PTCHD4: variants seen among roughly 807,000 people sequenced by gnomAD.
PTCHD4 encodes patched domain-containing protein 4.
PTCHD4 carries 33 observed loss-of-function variants against 58.1 expected under a neutral mutation model. The observed-to-expected ratio is 0.57, with a 90% confidence interval of 0.43 to 0.76. PTCHD4 has a LOEUF of 0.76. Among genes scored for constraint, PTCHD4 ranks in the 30% least tolerant of loss-of-function variants. The pLI, the probability that PTCHD4 is intolerant of heterozygous loss-of-function variation, is 0.00. For missense variants in PTCHD4, 1,058 were observed against 1,027.1 expected, an observed-to-expected ratio of 1.03 and a Z score of -0.41; for synonymous variants, 478 against 409.6, an observed-to-expected ratio of 1.17 and a Z score of -2.02.
intron 1 of PTCHD4, among the ~76,000 whole-genome samples, chr6:48,073,539 G>A (rs544170433): frequency 6.6e-6 from 1 of 152,274 alleles, no homozygotes; most frequent in East Asian, 1.9e-4. Context: ...AACATGCTAA[G>A]CCTCCAAAGC....
In PTCHD4 at chr6:47,882,440, C is replaced by A. The variant is rs573346251; in HGVS notation, c.899-2504G>T. 6.4e-4 allele frequency among the ~76,000 whole-genome samples: 97 copies of A among 151,792 alleles called. 2 individuals are homozygous for A. In the East Asian group the frequency reaches 0.015, roughly 23 times the overall value. ...TTGTTTGGAGATGGCGTGTTTTATC[C>A]CACTCATATGTTTAGATATTTTATA... is the stretch of plus-strand genomic sequence containing the variant. On this transcript the variant is annotated intron_variant, in intron 4 of 4. Coordinates refer to ENST00000339488, the MANE Select transcript of PTCHD4 (RefSeq NM_001384253.1).
At chr6:48,093,988 C>T (rs951148562) in intron 1 of PTCHD4, among the ~76,000 whole-genome samples, 6 of 152,054 alleles carry the variant, frequency 3.9e-5, no homozygotes, top group Admixed American at 6.5e-5. Context: ...CATCCTACCA[C>T]GAAATTAATG....
At chr6:48,018,437 C>T (rs1762941957) in intron 3 of PTCHD4, among the ~76,000 whole-genome samples, 1 of 152,182 alleles carries the variant, frequency 6.6e-6, no homozygotes, top group African/African-American at 2.4e-5. Flanking sequence ...AGGGAAAACA[C>T]AAAATGACCA....
intron 4 of PTCHD4, among the ~76,000 whole-genome samples, chr6:47,917,222 G>A (rs775172836): frequency 6.6e-6 from 1 of 151,552 alleles, no homozygotes; most frequent in Non-Finnish European, 1.5e-5. Context: ...TGGGCAAAAC[G>A]ACTACTATGT....
At chr6:48,052,798 G>T (rs1764277536) in intron 3 of PTCHD4, among the ~76,000 whole-genome samples, 1 of 152,002 alleles carries the variant, frequency 6.6e-6, no homozygotes, top group South Asian at 2.1e-4. Flanking sequence ...AGTTATCAGT[G>T]GCCAGTGGTG....
At chr6:47,891,788 C>A (rs1178141831) in intron 4 of PTCHD4, among the ~76,000 whole-genome samples, 2 of 151,910 alleles carry the variant, frequency 1.3e-5, no homozygotes, top group Admixed American at 6.6e-5. Flanking sequence ...AGTCAATAAA[C>A]CTAAATGTGT....
chr6:48,051,173 T>A (rs1385828571), intron 3 of PTCHD4, among the ~76,000 whole-genome samples: 1 of 151,874 alleles, frequency 6.6e-6, no homozygotes, highest in Non-Finnish European at 1.5e-5. Context: ...AATATGACCT[T>A]TTATAAAGGT....
intron 4 of PTCHD4, among the ~76,000 whole-genome samples, chr6:47,945,079 T>C (rs1304657647): frequency 6.6e-6 from 1 of 152,044 alleles, no homozygotes; most frequent in Non-Finnish European, 1.5e-5. Flanking sequence ...TGCAAAGCAA[T>C]GACATACGAT....
intron 3 of PTCHD4, among the ~76,000 whole-genome samples, chr6:48,044,959 TG>T (rs1763980964): frequency 6.6e-6 from 1 of 151,810 alleles, no homozygotes; most frequent in South Asian, 2.1e-4. Context: ...ATCAAACCTT[TG>T]AAAGATTATG....
chr6:47,991,544 A>T (rs1768280124), intron 4 of PTCHD4, among the ~76,000 whole-genome samples: 1 of 152,160 alleles, frequency 6.6e-6, no homozygotes, highest in Admixed American at 6.5e-5. Flanking sequence ...ATTGTTAAAC[A>T]GCGGTAAATA....
At chr6:48,108,892 A>T (rs1159297715) in intron 1 of PTCHD4, among the ~76,000 whole-genome samples, 2 of 152,008 alleles carry the variant, frequency 1.3e-5, no homozygotes, top group Non-Finnish European at 2.9e-5. Flanking sequence ...AGCAAGTCTG[A>T]TTAATGGGAA....
chr6:48,014,826 A>C (rs1762812164), intron 3 of PTCHD4, among the ~76,000 whole-genome samples: 1 of 152,106 alleles, frequency 6.6e-6, no homozygotes, highest in African/African-American at 2.4e-5. Context: ...AAACCTACTA[A>C]AGGGATGATT....
chr6:47,883,870 G>A (rs1764099126), intron 4 of PTCHD4, among the ~76,000 whole-genome samples: 2 of 152,062 alleles, frequency 1.3e-5, no homozygotes, highest in South Asian at 2.1e-4. Context: ...TATTGGTTTA[G>A]TCAAAAGAAA....
At chr6:47,911,526 A>G (rs147292399) in intron 4 of PTCHD4, among the ~76,000 whole-genome samples, 170 of 152,222 alleles carry the variant, frequency 1.1e-3, no homozygotes, top group African/African-American at 3.6e-3. Context: ...ACCTTGTGTA[A>G]CACAGTACAA....
Position 47,874,110 on chromosome 6 carries a change from T to A in PTCHD4, c.*4193A>T, listed in dbSNP as rs573227503. Among the ~76,000 whole-genome samples, 7 of 151,720 alleles carry A rather than the reference T, an allele frequency of 4.6e-5. No individual in the cohort carries two copies. The highest frequency in any genetic ancestry group is 1.7e-4 in the African/African-American group (7 of 41,372). On this transcript the variant is annotated 3_prime_UTR_variant, in exon 5 of 5. Coordinates refer to ENST00000339488, the MANE Select transcript of PTCHD4 (RefSeq NM_001384253.1). The stretch of plus-strand genomic sequence containing the variant: ...CCATAAGATTAGCAAACACAAGACA[T>A]AAAATTATGTTTATTTACTAACCAA...
At chr6:47,903,400 T>C (rs1764774500) in intron 4 of PTCHD4, among the ~76,000 whole-genome samples, 1 of 152,136 alleles carries the variant, frequency 6.6e-6, no homozygotes, top group African/African-American at 2.4e-5. Context: ...CACTGTAGCC[T>C]CAACCTCCCT....
At chr6:48,074,169 A>G (rs1395556182) in intron 1 of PTCHD4, among the ~76,000 whole-genome samples, 1 of 151,976 alleles carries the variant, frequency 6.6e-6, no homozygotes, top group Non-Finnish European at 1.5e-5. Context: ...TATCCGAGAT[A>G]TAACGTTTTA....
chr6:47,926,723 T>A (rs1400060109), intron 4 of PTCHD4, among the ~76,000 whole-genome samples: 1 of 152,226 alleles, frequency 6.6e-6, no homozygotes, highest in Non-Finnish European at 1.5e-5. Context: ...AATTTGAGTT[T>A]CAGCTACATT....
chr6:48,006,717 T>C lies in PTCHD4; in HGVS notation c.898+1917A>G, dbSNP rs16876915. ...TATTAATATGTATTTAGAGATGATA[T>C]GCAAAATCCAGGAAGGCTCAATTTC... On this transcript the variant is annotated intron_variant, in intron 4 of 4. Coordinates refer to ENST00000339488, the MANE Select transcript of PTCHD4 (RefSeq NM_001384253.1). Among the ~76,000 whole-genome samples the C allele has an allele frequency of 2.0e-5, 3 of 152,286 alleles. No individual in the cohort carries two copies. The South Asian group carries it at 6.2e-4, about 32-fold the overall frequency.
Sources: gnomAD v4.1 joint callset for allele counts (sites outside exome capture counted in the v4.1 genomes callset) on GRCh38, gnomAD v4.1.1 for gene constraint, MANE v1.5 for transcripts, NCBI Gene and HGNC (gene_info 2026-07-23, HGNC 2026-07-21) for gene names.